The following OSBPL6 variants were observed in gnomAD, a reference collection of about 807,000 sequenced individuals.
OSBPL6 encodes the protein oxysterol binding protein like 6, also known as oxysterol-binding protein-related protein 6.
In OSBPL6, 49 loss-of-function variants were observed where a neutral mutation model predicts 125.8. The ratio of observed to expected loss-of-function variants is 0.39; its 90% CI spans 0.31 to 0.49. The LOEUF (loss-of-function observed/expected upper bound fraction) is 0.49. OSBPL6 is among the 20% of genes least tolerant of loss of function. The pLI is 0.88. For missense variants in OSBPL6, 986 were observed against 1,135.4 expected (o/e 0.87, Z 1.89); for synonymous variants, 394 against 391.8 (o/e 1.01, Z -0.07).
At chr2:178,326,150 G>A (rs1688679339) in intron 4 of OSBPL6, among the ~76,000 whole-genome samples, 1 of 151,244 alleles carries the variant, frequency 6.6e-6, no homozygotes, top group Non-Finnish European at 1.5e-5. Context: ...TCCTGATCAG[G>A]ATTTGTTCCA....
rs1695184166 is a variant in OSBPL6, at chr2:178,389,072, A to G, written c.2220A>G (p.Arg740=). 6.2e-7 allele frequency: 1 copy of G among 1,613,878 alleles called. No individual in the cohort carries two copies. Among genetic ancestry groups the G allele is most frequent in the South Asian group, 1.1e-5 (1 of 91,088 alleles). ...TTCIHNILSG[R]RWIEHYGEVT... Reference sequence around the variant, plus strand: ...GCATACACAACATCCTCAGTGGGAGAAGATGGATAGAACATTATGGAGAAG... The same window carrying G: ...GCATACACAACATCCTCAGTGGGAGGAGATGGATAGAACATTATGGAGAAG... The change falls in exon 21 of 25, where the codon AGA becomes AGG. Residue 740 remains arginine, a synonymous_variant. Transcript: ENST00000190611.
intron 24 of OSBPL6, 44 bp downstream of exon 24, chr2:178,394,479 G>T: frequency 6.4e-7 from 1 of 1,574,352 alleles, no homozygotes; most frequent in Non-Finnish European, 8.6e-7. Context: ...TTTGCAAATG[G>T]TTGCCACAGG....
In OSBPL6 at chr2:178,238,658, G is replaced by A. The variant is rs368280171; in HGVS notation, c.-351+43984G>A. ...GTCATATTCAGACTGCAAAAGTTAT[G>A]GCCATAATACTTGATAGATGCTTAG... is the stretch of plus-strand genomic sequence containing the variant. On this transcript the variant is annotated intron_variant, in intron 1 of 24. Coordinates refer to ENST00000190611, the MANE Select transcript of OSBPL6 (RefSeq NM_032523.4). Among the ~76,000 whole-genome samples, 89 of 152,252 alleles carry A rather than the reference G, an allele frequency of 5.8e-4. 2 individuals are homozygous for A. In the South Asian group the frequency reaches 0.011, roughly 18 times the overall value.
intron 2 of OSBPL6, among the ~76,000 whole-genome samples, chr2:178,293,116 A>G (rs867401783): frequency 1.3e-5 from 2 of 152,164 alleles, no homozygotes; most frequent in Non-Finnish European, 2.9e-5. Flanking sequence ...TAAAGGGTGT[A>G]TGGGAACTTC....
intron 3 of OSBPL6, among the ~76,000 whole-genome samples, chr2:178,314,412 C>T (rs1324011502): frequency 6.6e-6 from 1 of 152,170 alleles, no homozygotes; most frequent in African/African-American, 2.4e-5. Flanking sequence ...GAGAGAAACA[C>T]TAACCTGATC....
intron 15 of OSBPL6, among the ~76,000 whole-genome samples, chr2:178,381,093 T>C (rs1005063338): frequency 6.6e-6 from 1 of 152,216 alleles, no homozygotes; most frequent in African/African-American, 2.4e-5. Flanking sequence ...AAATACAGCA[T>C]TGTTTCCATT....
At chr2:178,355,561 C>T (rs568846828) in intron 12 of OSBPL6, among the ~76,000 whole-genome samples, 1 of 152,234 alleles carries the variant, frequency 6.6e-6, no homozygotes, top group East Asian at 1.9e-4. Flanking sequence ...TCTGAATAGA[C>T]CAATACCAGG....
At chr2:178,342,743 G>T (rs1690325080) in intron 11 of OSBPL6, among the ~76,000 whole-genome samples, 1 of 152,160 alleles carries the variant, frequency 6.6e-6, no homozygotes, top group Admixed American at 6.5e-5. Flanking sequence ...AGAAGGAAAT[G>T]ATTTTGAAAG....
intron 12 of OSBPL6, among the ~76,000 whole-genome samples, chr2:178,352,291 C>T: frequency 6.6e-6 from 1 of 152,194 alleles, no homozygotes; most frequent in African/African-American, 2.4e-5. Flanking sequence ...GGCGTTACCT[C>T]TCCCAGGAAG....
At chr2:178,309,619 C>G (rs1687087317) in intron 3 of OSBPL6, among the ~76,000 whole-genome samples, 2 of 152,118 alleles carry the variant, frequency 1.3e-5, no homozygotes, top group African/African-American at 4.8e-5. Context: ...GTTTCTTCAC[C>G]AATGATAGCA....
rs1193300361 is a variant in OSBPL6, at chr2:178,306,306, T to C, written c.102+20T>C. ...AGGCAGGTAAGAGAAGAGCATTAAG[T>C]GCCTTTGGTTGTTTTATGCAAATGC... On this transcript the variant is annotated intron_variant, in intron 3 of 24. Transcript: ENST00000190611. 2.7e-6 allele frequency: 4 copies of C among 1,476,956 alleles called. No individual in the cohort carries two copies. Among genetic ancestry groups the C allele is most frequent in the Non-Finnish European group, 3.8e-6 (4 of 1,055,470 alleles). 91.5% of individuals were successfully genotyped at this position (1,476,956 alleles called of 1,614,324 possible). A position where few individuals can be genotyped will look rare whatever the true frequency, so the allele number is the denominator to read the frequency against.
chr2:178,364,571 GAC>G (rs1036000835), intron 13 of OSBPL6, among the ~76,000 whole-genome samples: 11 of 152,152 alleles, frequency 7.2e-5, no homozygotes, highest in African/African-American at 2.7e-4. Context: ...GAGGGACAAG[GAC>G]ACAGAGTCGA....
intron 2 of OSBPL6, among the ~76,000 whole-genome samples, chr2:178,298,694 G>GTTTTTTTTTTTTT (rs757606940): frequency 1.4e-5 from 2 of 139,424 alleles, no homozygotes; most frequent in African/African-American, 2.6e-5. Context: ...ATTTTTAGTT[G>GTTTTTTTTTTTTT]CTTTTTTTTT....
At chr2:178,290,968 C>A (rs1685201881) in intron 2 of OSBPL6, among the ~76,000 whole-genome samples, 1 of 151,982 alleles carries the variant, frequency 6.6e-6, no homozygotes, top group South Asian at 2.1e-4. Flanking sequence ...TGGTTCAAAA[C>A]AGCATTATAA....
At chr2:178,322,703 G>A (rs1688345123) in intron 3 of OSBPL6, among the ~76,000 whole-genome samples, 1 of 152,042 alleles carries the variant, frequency 6.6e-6, no homozygotes, top group South Asian at 2.1e-4. Context: ...ACTAAAGTGT[G>A]TAATTTCTAA....
At chr2:178,374,154 G>T in intron 15 of OSBPL6, 127 bp downstream of exon 15, 2 of 1,171,500 alleles carry the variant, frequency 1.7e-6, no homozygotes, top group Non-Finnish European at 2.4e-6. Flanking sequence ...ATAGTAAAAT[G>T]TCCAAATTGC....
At chr2:178,323,411 C>T (rs535066879) in intron 3 of OSBPL6, among the ~76,000 whole-genome samples, 2 of 152,226 alleles carry the variant, frequency 1.3e-5, no homozygotes, top group South Asian at 4.2e-4. Context: ...CTTCTCTGTG[C>T]GTTTTTGTAA....
At chr2:178,316,491 A>G (rs879671192) in intron 3 of OSBPL6, among the ~76,000 whole-genome samples, 2 of 152,208 alleles carry the variant, frequency 1.3e-5, no homozygotes, top group Non-Finnish European at 2.9e-5. Context: ...ATGCTTTTGA[A>G]TATTTAATGC....
intron 1 of OSBPL6, among the ~76,000 whole-genome samples, chr2:178,212,352 CTCT>C (rs1264410800): frequency 6.6e-6 from 1 of 152,214 alleles, no homozygotes; most frequent in African/African-American, 2.4e-5. Context: ...GGCCAGGGCA[CTCT>C]TCTTAGAGTT....
Sources: gnomAD v4.1 joint callset for allele counts (sites outside exome capture counted in the v4.1 genomes callset) on GRCh38, gnomAD v4.1.1 for gene constraint, MANE v1.5 for transcripts, NCBI Gene and HGNC (gene_info 2026-07-23, HGNC 2026-07-21) for gene names.